POU2F2: variants seen among roughly 807,000 people sequenced by gnomAD.
POU2F2 encodes POU domain, class 2, transcription factor 2.
POU2F2 carries 14 observed loss-of-function variants against 63.5 expected under a neutral mutation model. The ratio of observed to expected loss-of-function variants is 0.22; its 90% CI spans 0.15 to 0.34. The LOEUF (loss-of-function observed/expected upper bound fraction) is 0.34. Ranked by LOEUF, POU2F2 falls within the 10% of genes least tolerant of loss-of-function variation. The pLI is 1.00. For missense variants in POU2F2, 607 were observed against 815.2 expected (o/e 0.74, Z 3.11); for synonymous variants, 306 against 348.6 (o/e 0.88, Z 1.36).
At chr19:42,113,668 GC>G (rs2146529070) in intron 5 of POU2F2, among the ~76,000 whole-genome samples, 1 of 152,352 alleles carries the variant, frequency 6.6e-6, no homozygotes, top group East Asian at 1.9e-4. Context: ...AGGACGGGGA[GC>G]CCCTCAGGGG....
upstream of POU2F2, among the ~76,000 whole-genome samples, chr19:42,135,682 G>T (rs184966550): frequency 6.7e-6 from 1 of 149,998 alleles, no homozygotes; most frequent in East Asian, 2.0e-4. Context: ...TTAAGCTTTA[G>T]CTTTATTTTT....
intron 1 of POU2F2, among the ~76,000 whole-genome samples, chr19:42,173,279 C>G (rs1422839638): frequency 6.6e-6 from 1 of 152,150 alleles, no homozygotes; most frequent in Non-Finnish European, 1.5e-5. Context: ...CAGCACATGC[C>G]AGAGATGGAA....
chr19:42,114,678 C>T (rs1377984296), intron 5 of POU2F2, among the ~76,000 whole-genome samples: 3 of 152,184 alleles, frequency 2.0e-5, no homozygotes, highest in Non-Finnish European at 4.4e-5. Context: ...TCCAGGCCGG[C>T]TCTAACACTC....
At chr19:42,110,126 G>A (rs993242918) in intron 5 of POU2F2, among the ~76,000 whole-genome samples, 42 of 148,500 alleles carry the variant, frequency 2.8e-4, no homozygotes, top group Non-Finnish European at 5.5e-4. Flanking sequence ...ATCCAGATAT[G>A]ATGGTACATG....
chr19:42,135,357 G>C (rs1487896657), upstream of POU2F2, among the ~76,000 whole-genome samples: 1 of 152,020 alleles, frequency 6.6e-6, no homozygotes, highest in South Asian at 2.1e-4. Context: ...CTAAGCACAC[G>C]GGGCTTCAGC....
At position 42,092,397 on chromosome 19, in the gene POU2F2, A is replaced by G; in HGVS notation, c.1265-127T>C. ...GCATCTCCTCAGTCAGAACAGCCTT[A>G]GACCTCCCTGCCCTCTCTTCCCAGA... On this transcript the variant is annotated intron_variant, in intron 12 of 14. Coordinates refer to ENST00000692977, the MANE Select transcript of POU2F2 (RefSeq NM_001394376.1). This position sits in a 1 kb window ranked among gnomAD's most constrained non-coding sequence, Gnocchi z 5.0. 1.4e-6 allele frequency: 1 copy of G among 739,840 alleles called. No homozygotes were observed. The allele number at this position is 739,840 out of a possible 1,614,324, so 45.8% of individuals were successfully genotyped here. A position where few individuals can be genotyped will look rare whatever the true frequency, so the allele number is the denominator to read the frequency against.
At chr19:42,161,406 C>T (rs946614738) in intron 1 of POU2F2, among the ~76,000 whole-genome samples, 1 of 152,014 alleles carries the variant, frequency 6.6e-6, no homozygotes, top group Non-Finnish European at 1.5e-5. Flanking sequence ...GTCCTTCTAC[C>T]TCCTGTGTAC....
chr19:42,120,670 G>C (rs1008006678), intron 4 of POU2F2, among the ~76,000 whole-genome samples: 3 of 152,026 alleles, frequency 2.0e-5, no homozygotes, highest in Admixed American at 6.5e-5. Context: ...TTTTCCATTT[G>C]TGAAATTTCC....
intron 2 of POU2F2, among the ~76,000 whole-genome samples, chr19:42,149,307 C>A (rs1014859726): frequency 6.6e-6 from 1 of 152,194 alleles, no homozygotes; most frequent in Non-Finnish European, 1.5e-5. Flanking sequence ...GACACTGACA[C>A]TGCCAAGAGA....
At chr19:42,179,792 A>G (rs2034940249), upstream of POU2F2, among the ~76,000 whole-genome samples, 1 of 152,162 alleles carries the variant, frequency 6.6e-6, no homozygotes, top group South Asian at 2.1e-4. Flanking sequence ...GTACAAAGTA[A>G]GTACCCAGGA....
chr19:42,178,005 G>A (rs2034916681), upstream of POU2F2, among the ~76,000 whole-genome samples: 1 of 151,924 alleles, frequency 6.6e-6, no homozygotes, highest in Non-Finnish European at 1.5e-5. Context: ...GGCAGGGAGA[G>A]GCCCTAAAAG....
At chr19:42,115,083 C>T (rs574725014) in intron 5 of POU2F2, among the ~76,000 whole-genome samples, 3 of 151,840 alleles carry the variant, frequency 2.0e-5, no homozygotes, top group African/African-American at 2.4e-5. Flanking sequence ...CCAAAGAGGT[C>T]GAGGCTGCAG....
intron 1 of POU2F2, among the ~76,000 whole-genome samples, chr19:42,191,981 C>T (rs78432069): frequency 3.3e-5 from 5 of 152,014 alleles, no homozygotes; most frequent in South Asian, 2.1e-4. Flanking sequence ...TTGTGTCAGG[C>T]GTAAACACAT....
Position 42,150,460 on chromosome 19 carries a change from G to A in POU2F2, c.-9+9872C>T, listed in dbSNP as rs986811957. ...GGAGGGGTGGTGAGGAAGCAGGTTC[G>A]GAGGGGAGCAGGACCAGGCTCACAT... On this transcript the variant is annotated intron_variant, in intron 2 of 6. Coordinates refer to the POU2F2 transcript ENST00000524801. Among the ~76,000 whole-genome samples the A allele has an allele frequency of 5.9e-5, 9 of 151,830 alleles. No individual in the cohort carries two copies. The East Asian group carries it at 1.2e-3, about 20-fold the overall frequency.
At chr19:42,101,972 A>C (rs1243238838) in intron 5 of POU2F2, among the ~76,000 whole-genome samples, 1 of 150,310 alleles carries the variant, frequency 6.7e-6, no homozygotes, top group Non-Finnish European at 1.5e-5. Flanking sequence ...ATGAGACTCC[A>C]TCTCAAAAAA....
rs1599651266 is a variant in POU2F2, at chr19:42,139,675, A to C, written c.-8-17099T>G. On this transcript the variant is annotated intron_variant, in intron 2 of 6. Coordinates refer to the POU2F2 transcript ENST00000524801. The stretch of plus-strand genomic sequence containing the variant: ...GGCTGATCTCAAACTCCTGCCCTCA[A>C]GTGATCCACCCACCTCAGCCTCCCA... Among the ~76,000 whole-genome samples the C allele has an allele frequency of 2.0e-5, 3 of 152,206 alleles. No homozygotes were observed. In the South Asian group the frequency reaches 6.2e-4, roughly 32 times the overall value.
At chr19:42,141,947 T>C (rs2034136665) in intron 2 of POU2F2, among the ~76,000 whole-genome samples, 1 of 152,210 alleles carries the variant, frequency 6.6e-6, no homozygotes, top group Non-Finnish European at 1.5e-5. Context: ...AGGAATACTA[T>C]GCAGTTATGA....
chr19:42,132,322 C>A (rs2033825040), intron 1 of POU2F2, 62 bp downstream of exon 1: 1 of 1,569,244 alleles, frequency 6.4e-7, no homozygotes, highest in Admixed American at 1.8e-5. Flanking sequence ...GCAGGGCCCG[C>A]AGAGCAAACC....
intron 2 of POU2F2, chr19:42,157,629 G>A (rs1318209897): frequency 5.9e-5 from 9 of 152,258 alleles, no homozygotes. Context: ...AAACAGAGAG[G>A]TCCCCTCACC....
Sources: gnomAD v4.1 joint callset for allele counts (sites outside exome capture counted in the v4.1 genomes callset) on GRCh38, gnomAD v4.1.1 for gene constraint, Gnocchi (gnomAD v3.1) non-coding constraint, MANE v1.5 for transcripts, NCBI Gene and HGNC (gene_info 2026-07-23, HGNC 2026-07-21) for gene names.